CMPK1: variants seen among roughly 807,000 people sequenced by gnomAD.
The protein encoded by CMPK1 is UMP-CMP kinase.
CMPK1 carries 10 observed loss-of-function variants against 25.7 expected under a neutral mutation model. That is an observed-to-expected ratio of 0.39 (90% CI 0.24 to 0.66). The LOEUF is 0.66. CMPK1 is among the 30% of genes least tolerant of loss of function. The pLI, the probability that CMPK1 is intolerant of heterozygous loss-of-function variation, is 0.48. For synonymous variants in CMPK1, 106 were observed against 101.5 expected, an observed-to-expected ratio of 1.04 and a Z score of -0.27; for missense variants, 199 against 280.5, an observed-to-expected ratio of 0.71 and a Z score of 2.08.
chr1:47,355,351 T>A (rs1045222065), intron 1 of CMPK1, among the ~76,000 whole-genome samples: 3 of 147,430 alleles, frequency 2.0e-5, no homozygotes, highest in Admixed American at 6.8e-5. Flanking sequence ...CAGTCTTTTT[T>A]TTTTTTTTTT....
chr1:47,375,945 A>C (rs1226433031), intron 5 of CMPK1, among the ~76,000 whole-genome samples: 1 of 152,172 alleles, frequency 6.6e-6, no homozygotes, highest in African/African-American at 2.4e-5. Context: ...GATTCAGGGA[A>C]TCTTTTTTTA....
chr1:47,376,138 G>A (rs541665896), intron 5 of CMPK1, among the ~76,000 whole-genome samples: 2 of 151,444 alleles, frequency 1.3e-5, no homozygotes, highest in South Asian at 2.1e-4. Flanking sequence ...AGCACTAATC[G>A]AATGTAATAT....
At chr1:47,356,774 C>G (rs1646563476) in intron 1 of CMPK1, among the ~76,000 whole-genome samples, 1 of 152,020 alleles carries the variant, frequency 6.6e-6, no homozygotes, top group African/African-American at 2.4e-5. Flanking sequence ...AATTCTTGTG[C>G]CTCAGCCTCC....
intron 1 of CMPK1, among the ~76,000 whole-genome samples, chr1:47,346,313 G>A (rs56725803): frequency 1.1e-3 from 171 of 151,596 alleles, no homozygotes; most frequent in African/African-American, 4.0e-3. Context: ...CTCCCAAAGT[G>A]CTGGCCTCCC....
intron 1 of CMPK1, among the ~76,000 whole-genome samples, chr1:47,359,963 A>G (rs1266453372): frequency 6.6e-6 from 1 of 152,204 alleles, no homozygotes; most frequent in Non-Finnish European, 1.5e-5. Context: ...CTTTTAGACC[A>G]CCTGCAACAA....
At chr1:47,375,497 TAAAAAA>T (rs34374399) in intron 5 of CMPK1, among the ~76,000 whole-genome samples, 3 of 149,580 alleles carry the variant, frequency 2.0e-5, no homozygotes, top group African/African-American at 7.4e-5. Flanking sequence ...CTCTGTCTCT[TAAAAAA>T]AAAAGAAGAC....
intron 1 of CMPK1, among the ~76,000 whole-genome samples, chr1:47,368,116 A>C (rs1434352732): frequency 6.6e-6 from 1 of 151,774 alleles, no homozygotes; most frequent in African/African-American, 2.4e-5. Context: ...TGCCTGGCTA[A>C]TTTTTGTGTT....
At position 47,334,111 on chromosome 1, in the gene CMPK1, G is replaced by C; in HGVS notation, c.166G>C (p.Val56Leu). Residue 56 changes from valine to leucine, a missense_variant, in exon 1 of 6, where the codon GTC becomes CTC. Val to Leu is a conservative substitution (Grantham distance 32, BLOSUM62 1). Coordinates refer to ENST00000371873, the MANE Select transcript of CMPK1 (RefSeq NM_016308.3). ...AGKGTQCARI[V>L]EKYGYTHLSA... ...CAAGGGGACCCAGTGCGCCCGCATC[G>C]TCGAGGTGAGGCCCGGGCAGCAGGC... The C allele has an allele frequency of 6.6e-7, 1 of 1,513,064 alleles. No homozygotes were observed. The highest frequency in any genetic ancestry group is 8.9e-7 in the Non-Finnish European group (1 of 1,127,730). 93.7% of individuals were successfully genotyped at this position (1,513,064 alleles called of 1,614,324 possible).
At chr1:47,370,532 T>C (rs945888760) in intron 2 of CMPK1, among the ~76,000 whole-genome samples, 1 of 150,822 alleles carries the variant, frequency 6.6e-6, no homozygotes, top group South Asian at 2.1e-4. Context: ...TCCCAGTTAC[T>C]TGGGAGGCTG....
At chr1:47,356,588 A>G (rs1466940210) in intron 1 of CMPK1, among the ~76,000 whole-genome samples, 3 of 152,328 alleles carry the variant, frequency 2.0e-5, no homozygotes, top group Admixed American at 6.5e-5. Flanking sequence ...TAAAGTTGCC[A>G]TAAGTTTATA....
intron 1 of CMPK1, among the ~76,000 whole-genome samples, chr1:47,363,643 C>T (rs567868913): frequency 6.9e-6 from 1 of 144,214 alleles, no homozygotes; most frequent in African/African-American, 2.5e-5. Context: ...GCCTCAAAAA[C>T]AAATAAACAA....
Position 47,378,236 on chromosome 1 carries a change from T to TGGCC in CMPK1, c.*1491_*1492insGGCC, listed in dbSNP as rs1476260254. ...TAGAAAACAAAGTATTGCTAAGTAC[T>TGGCC]ATAACATATTGGCCACTAAAATTCA... On this transcript the variant is annotated 3_prime_UTR_variant, in exon 6 of 6. Coordinates refer to ENST00000371873, the MANE Select transcript of CMPK1 (RefSeq NM_016308.3). 6.6e-6 allele frequency: 1 copy of TGGCC among 152,204 alleles called. No homozygotes were observed. The highest frequency in any genetic ancestry group is 1.5e-5 in the Non-Finnish European group (1 of 68,032). The allele number at this position is 152,204 out of a possible 1,614,324, so 9.4% of individuals were successfully genotyped here.
At chr1:47,334,882 A>G (rs1217351985) in intron 1 of CMPK1, among the ~76,000 whole-genome samples, 1 of 152,228 alleles carries the variant, frequency 6.6e-6, no homozygotes, top group Non-Finnish European at 1.5e-5. Flanking sequence ...CTCTGAACCC[A>G]GATTTTCTCA....
At chr1:47,376,280 T>C (rs1646707419) in intron 5 of CMPK1, among the ~76,000 whole-genome samples, 1 of 151,730 alleles carries the variant, frequency 6.6e-6, no homozygotes, top group Non-Finnish European at 1.5e-5. Flanking sequence ...TGTGTGACCC[T>C]GTTTGGAGAT....
intron 1 of CMPK1, among the ~76,000 whole-genome samples, chr1:47,342,649 CTTTTTTT>C (rs11334963): frequency 5.2e-4 from 61 of 116,426 alleles, no homozygotes; most frequent in African/African-American, 1.5e-3. Context: ...TCTCTTTTTT[CTTTTTTT>C]TTTTTTTTTT....
intron 1 of CMPK1, among the ~76,000 whole-genome samples, chr1:47,356,960 C>T (rs1646564645): frequency 8.3e-6 from 1 of 119,868 alleles, no homozygotes; most frequent in Admixed American, 1.1e-4. Flanking sequence ...CGCACCTGGT[C>T]TGCCTTTTTT....
At chr1:47,347,833 G>A (rs1016488460) in intron 1 of CMPK1, among the ~76,000 whole-genome samples, 6 of 152,168 alleles carry the variant, frequency 3.9e-5, no homozygotes, top group Admixed American at 2.6e-4. Flanking sequence ...ATTTCACCAT[G>A]TTGGCCAGGG....
intron 1 of CMPK1, among the ~76,000 whole-genome samples, chr1:47,336,895 T>G (rs201434995): frequency 6.6e-6 from 1 of 152,252 alleles, no homozygotes; most frequent in East Asian, 1.9e-4. Flanking sequence ...TGAATGCATT[T>G]AAATACAGTA....
intron 1 of CMPK1, chr1:47,358,300 A>T (rs1646577384): frequency 3.5e-6 from 2 of 578,816 alleles, no homozygotes; most frequent in Non-Finnish European, 5.9e-6. Flanking sequence ...TTTTGTAGGG[A>T]TGACATCTTG....
Sources: allele counts gnomAD v4.1 joint callset (sites outside exome capture counted in the v4.1 genomes callset), GRCh38; gene constraint gnomAD v4.1.1; transcripts MANE v1.5; gene names NCBI Gene and HGNC (gene_info 2026-07-23, HGNC 2026-07-21).